HORMAD2: variants seen among roughly 807,000 people sequenced by gnomAD.
HORMAD2 encodes the protein HORMA domain containing 2.
In HORMAD2, 45 loss-of-function variants were observed where a neutral mutation model predicts 38.8. The observed-to-expected ratio is 1.16, with a 90% CI of 0.91 to 1.49. The LOEUF (loss-of-function observed/expected upper bound fraction) is 1.49, where lower values mean the gene tolerates loss of function less well. Ranked by LOEUF, HORMAD2 falls within the 40% of genes most tolerant of loss-of-function variation. The pLI, the probability that HORMAD2 is intolerant of heterozygous loss-of-function variation, is 0.00. For synonymous variants in HORMAD2, 126 were observed against 122.8 expected (o/e 1.03, Z -0.17); for missense variants, 338 against 367.0 (o/e 0.92, Z 0.65).
the HORMAD2 span, among the ~76,000 whole-genome samples, chr22:30,194,129 A>G: frequency 6.6e-6 from 1 of 152,210 alleles, no homozygotes; most frequent in Non-Finnish European, 1.5e-5. Flanking sequence ...CCACTGAAGT[A>G]TTGTCATGTC....
chr22:30,090,143 G>T (rs1274518176), intron 1 of HORMAD2, among the ~76,000 whole-genome samples: 1 of 152,116 alleles, frequency 6.6e-6, no homozygotes, highest in Non-Finnish European at 1.5e-5. Context: ...CGGGTGGATT[G>T]CCTGAACCTA....
chr22:30,105,055 GC>G, intron 5 of HORMAD2: 1 of 154,894 alleles, frequency 6.5e-6, no homozygotes, highest in Non-Finnish European at 1.4e-5. Flanking sequence ...TTTCTGTGAA[GC>G]TTTTATTATG....
At chr22:30,103,731 C>T (rs1348022257) in intron 4 of HORMAD2, among the ~76,000 whole-genome samples, 1 of 123,220 alleles carries the variant, frequency 8.1e-6, no homozygotes, top group South Asian at 2.9e-4. Context: ...GGCGCAATCT[C>T]GGCTCACTGC....
chr22:30,091,420 C>T (rs1569081499), intron 1 of HORMAD2, among the ~76,000 whole-genome samples: 1 of 152,086 alleles, frequency 6.6e-6, no homozygotes, highest in East Asian at 1.9e-4. Flanking sequence ...TGCGTGCCAC[C>T]ACACCCAGCT....
the HORMAD2 span, among the ~76,000 whole-genome samples, chr22:30,188,724 C>T: frequency 4.6e-5 from 7 of 152,202 alleles, no homozygotes; most frequent in South Asian, 2.1e-4. Context: ...ACTTGAGCCC[C>T]TAAACTCACC....
At chr22:30,087,738 C>G (rs919688415) in intron 1 of HORMAD2, among the ~76,000 whole-genome samples, 7 of 151,616 alleles carry the variant, frequency 4.6e-5, no homozygotes, top group African/African-American at 1.5e-4. Flanking sequence ...AAAAAAGGTT[C>G]TACACACCTT....
chr22:30,092,222 G>A (rs1279629561), intron 1 of HORMAD2, among the ~76,000 whole-genome samples: 2 of 151,874 alleles, frequency 1.3e-5, no homozygotes. Context: ...ACTGTGGGGA[G>A]ATGATATCTC....
chr22:30,108,960 T>C (rs747682357), intron 5 of HORMAD2, among the ~76,000 whole-genome samples: 2 of 151,164 alleles, frequency 1.3e-5, no homozygotes, highest in Non-Finnish European at 3.0e-5. Flanking sequence ...TTCCTTCCTT[T>C]CTTCTTTTTC....
At chr22:30,188,311 T>G in the HORMAD2 span, among the ~76,000 whole-genome samples, 1 of 152,162 alleles carries the variant, frequency 6.6e-6, no homozygotes, top group East Asian at 1.9e-4. Flanking sequence ...TTCCTCCTTG[T>G]TAATTGAATT....
At chr22:30,129,201 G>A (rs1923089257) in intron 10 of HORMAD2, among the ~76,000 whole-genome samples, 2 of 113,436 alleles carry the variant, frequency 1.8e-5, no homozygotes, top group African/African-American at 6.9e-5. Flanking sequence ...CTGGGTGGCA[G>A]AGTGAGACTC....
At chr22:30,127,095 A>G (rs1029810158) in intron 10 of HORMAD2, among the ~76,000 whole-genome samples, 5 of 151,462 alleles carry the variant, frequency 3.3e-5, no homozygotes, top group Non-Finnish European at 5.9e-5. Flanking sequence ...GGAGCTCTGC[A>G]TATATATTCT....
At chr22:30,175,316 AATAT>A (rs373604513) in intron 10 of HORMAD2, among the ~76,000 whole-genome samples, 1 of 127,856 alleles carries the variant, frequency 7.8e-6, no homozygotes, top group Admixed American at 8.7e-5. Context: ...TATATAATAT[AATAT>A]ATATATATAT....
intron 10 of HORMAD2, among the ~76,000 whole-genome samples, chr22:30,139,254 C>CTCTATATATA (rs1261439013): frequency 1.0e-5 from 1 of 96,774 alleles, no homozygotes; most frequent in African/African-American, 5.0e-5. Context: ...ATGAACTGTA[C>CTCTATATATA]TATATATATA....
intron 10 of HORMAD2, among the ~76,000 whole-genome samples, chr22:30,171,291 T>G (rs1324080476): frequency 1.3e-5 from 2 of 152,218 alleles, no homozygotes; most frequent in Non-Finnish European, 2.9e-5. Context: ...AGATAGCCAC[T>G]GATTCAGCAT....
At chr22:30,129,905 C>T (rs758860678) in intron 10 of HORMAD2, among the ~76,000 whole-genome samples, 38 of 152,110 alleles carry the variant, frequency 2.5e-4, no homozygotes, top group South Asian at 4.1e-4. Context: ...ATGGTAGCAT[C>T]AGAAATTCTG....
chr22:30,153,007 T>G (rs911309820), intron 10 of HORMAD2, among the ~76,000 whole-genome samples: 1 of 152,180 alleles, frequency 6.6e-6, no homozygotes, highest in Non-Finnish European at 1.5e-5. Context: ...TCAAATCCAG[T>G]ATGCTCGTCT....
At chr22:30,110,532 C>T (rs1475914379) in intron 5 of HORMAD2, among the ~76,000 whole-genome samples, 2 of 151,826 alleles carry the variant, frequency 1.3e-5, no homozygotes. Context: ...ATTACAGGCA[C>T]AAGCCGCCAT....
chr22:30,198,570 C>A, the HORMAD2 span, among the ~76,000 whole-genome samples: 29 of 151,976 alleles, frequency 1.9e-4, no homozygotes, highest in South Asian at 1.7e-3. Flanking sequence ...ATCCACTGAA[C>A]TAGGCCAGCC....
At chr22:30,130,475 G>A (rs1257515516) in intron 10 of HORMAD2, among the ~76,000 whole-genome samples, 2 of 151,968 alleles carry the variant, frequency 1.3e-5, no homozygotes, top group African/African-American at 2.4e-5. Context: ...AGGAATCCCG[G>A]GACAATACAG....
Sources: allele counts gnomAD v4.1 joint callset (sites outside exome capture counted in the v4.1 genomes callset), GRCh38; gene constraint gnomAD v4.1.1; transcripts MANE v1.5; gene names NCBI Gene and HGNC (gene_info 2026-07-23, HGNC 2026-07-21).